The following PTPRQ variants were observed in gnomAD, a reference collection of about 807,000 sequenced individuals.
The protein encoded by PTPRQ is phosphatidylinositol phosphatase PTPRQ.
Under a neutral mutation model 246.0 loss-of-function variants are expected in PTPRQ, and 199 were observed. That is an observed-to-expected ratio of 0.81 (90% CI 0.72 to 0.91). PTPRQ has a LOEUF of 0.91. PTPRQ is among the 40% of genes least tolerant of loss of function. The pLI is 0.00. For missense variants in PTPRQ, 2,624 were observed against 2,528.4 expected, an observed-to-expected ratio of 1.04 and a Z score of -0.81; for synonymous variants, 869 against 853.2, an observed-to-expected ratio of 1.02 and a Z score of -0.32.
chr12:80,538,578 T>C (rs1427781755), intron 19 of PTPRQ, among the ~76,000 whole-genome samples: 1 of 152,216 alleles, frequency 6.6e-6, no homozygotes, highest in East Asian at 1.9e-4. Context: ...CTTTAACTTG[T>C]CTATTTCTAT....
chr12:80,636,986 G>A (rs2121183784), intron 35 of PTPRQ, among the ~76,000 whole-genome samples: 1 of 152,210 alleles, frequency 6.6e-6, no homozygotes, highest in East Asian at 1.9e-4. Flanking sequence ...AAGGTCGGGT[G>A]TGGTGACTCA....
At chr12:80,553,048 A>T (rs1185834913) in intron 25 of PTPRQ, among the ~76,000 whole-genome samples, 2 of 152,106 alleles carry the variant, frequency 1.3e-5, no homozygotes, top group African/African-American at 2.4e-5. Context: ...CACAGTTCTA[A>T]CAGAAAGCCT....
At chr12:80,637,853 G>A (rs73351567) in intron 35 of PTPRQ, among the ~76,000 whole-genome samples, 8,578 of 152,230 alleles carry the variant, frequency 0.056, 848 homozygotes, top group African/African-American at 0.2. Flanking sequence ...ATCAGAGACT[G>A]ATGGTAGATT....
chr12:80,539,797 A>T lies in PTPRQ; in HGVS notation c.3007A>T (p.Thr1003Ser). 1.9e-6 allele frequency: 3 copies of T among 1,546,610 alleles called. No homozygotes were observed. The highest frequency in any genetic ancestry group is 8.7e-7 in the Non-Finnish European group (1 of 1,145,244). Residue 1003 changes from threonine (T) to serine (S), a missense_variant, in exon 20 of 45, where the codon ACC becomes TCC. Coordinates refer to ENST00000644991, the MANE Select transcript of PTPRQ (RefSeq NM_001145026.2). Reference sequence around the variant, plus strand: ...TCAGAATTTTACACTCCATGAAGTAACCAATGACTTTGACAATATGACTGT... The same window carrying T: ...TCAGAATTTTACACTCCATGAAGTATCCAATGACTTTGACAATATGACTGT... ...FMQNFTLHEV[T>S]NDFDNMTVST...
At position 80,567,360 on chromosome 12, in the gene PTPRQ, A is replaced by G. The variant is rs138174367; in HGVS notation, c.4285+17626A>G. Among the ~76,000 whole-genome samples the G allele has an allele frequency of 1.1e-4, 17 of 152,328 alleles. No homozygotes were observed. The East Asian group carries it at 2.5e-3, about 22-fold the overall frequency. ...TTTTTTCATGCTTTTAATATTTTCTACTTATGGGAAATGTATATGCAGTGA... is the reference window on the plus strand; with the variant it reads ...TTTTTTCATGCTTTTAATATTTTCTGCTTATGGGAAATGTATATGCAGTGA... On this transcript the variant is annotated intron_variant, in intron 25 of 44. Transcript: ENST00000644991.
chr12:80,456,851 C>T (rs1592525818), intron 3 of PTPRQ, among the ~76,000 whole-genome samples: 1 of 152,094 alleles, frequency 6.6e-6, no homozygotes, highest in Non-Finnish European at 1.5e-5. Flanking sequence ...AATCCTATAA[C>T]ATAGATACAT....
chr12:80,452,317 C>T (rs1214245614), intron 3 of PTPRQ, among the ~76,000 whole-genome samples: 3 of 151,590 alleles, frequency 2.0e-5, no homozygotes, highest in East Asian at 1.9e-4. Flanking sequence ...ACTCTTTATC[C>T]AATTTGCCAG....
intron 35 of PTPRQ, among the ~76,000 whole-genome samples, chr12:80,646,479 C>T (rs1486915629): frequency 6.9e-6 from 1 of 144,616 alleles, no homozygotes; most frequent in African/African-American, 2.8e-5. Context: ...TTATTATCCC[C>T]CTTGAGGGGT....
chr12:80,613,092 T>C (rs1033265746), intron 28 of PTPRQ, among the ~76,000 whole-genome samples: 2 of 150,560 alleles, frequency 1.3e-5, no homozygotes, highest in Non-Finnish European at 3.0e-5. Context: ...CATAAAAGTA[T>C]AACAAAACAT....
At chr12:80,615,654 C>T (rs796337144) in intron 29 of PTPRQ, among the ~76,000 whole-genome samples, 11 of 151,046 alleles carry the variant, frequency 7.3e-5, no homozygotes, top group African/African-American at 2.7e-4. Context: ...TAAAGGCCAT[C>T]TTTCAGGGGA....
At chr12:80,663,253 C>A (rs1900686692) in intron 39 of PTPRQ, among the ~76,000 whole-genome samples, 2 of 151,052 alleles carry the variant, frequency 1.3e-5, no homozygotes, top group Non-Finnish European at 1.5e-5. Flanking sequence ...AGGAATAATC[C>A]CAATTATTTA....
intron 26 of PTPRQ, among the ~76,000 whole-genome samples, chr12:80,600,247 T>C (rs1379441166): frequency 1.3e-5 from 2 of 151,822 alleles, no homozygotes; most frequent in African/African-American, 4.8e-5. Context: ...GATCTTTGAA[T>C]GTCATTTTTC....
At chr12:80,593,357 ACTAT>A in intron 26 of PTPRQ, among the ~76,000 whole-genome samples, 1 of 152,338 alleles carries the variant, frequency 6.6e-6, no homozygotes, top group East Asian at 1.9e-4. Context: ...GTTATCATTA[ACTAT>A]CTGAGCCCAT....
intron 8 of PTPRQ, among the ~76,000 whole-genome samples, chr12:80,479,229 C>T (rs1396411587): frequency 6.0e-5 from 9 of 148,938 alleles, no homozygotes; most frequent in Non-Finnish European, 1.2e-4. Context: ...ATTCAACATT[C>T]TTAAAGAAAA....
At chr12:80,520,276 T>G (rs1895432820) in intron 17 of PTPRQ, among the ~76,000 whole-genome samples, 1 of 152,176 alleles carries the variant, frequency 6.6e-6, no homozygotes, top group South Asian at 2.1e-4. Context: ...CATACTGTTC[T>G]CATAGTAGTG....
Position 80,454,219 on chromosome 12 carries a change from G to A in PTPRQ, c.391-3356G>A, listed in dbSNP as rs185172456. 1.5e-4 allele frequency among the ~76,000 whole-genome samples: 23 copies of A among 149,374 alleles called. No individual in the cohort carries two copies. In the East Asian group the frequency reaches 2.2e-3, roughly 14 times the overall value. ...TGGTGTGCCGTTTTTTAAGCCCGTC[G>A]GAAAAGCGCAGTATTCGGGTGGGAG... On this transcript the variant is annotated intron_variant, in intron 3 of 44. Transcript: ENST00000644991.
chr12:80,570,718 G>A (rs924733088), intron 25 of PTPRQ, among the ~76,000 whole-genome samples: 3 of 152,116 alleles, frequency 2.0e-5, no homozygotes, highest in Non-Finnish European at 4.4e-5. Context: ...AGGGTTTTAG[G>A]TTTTACATTT....
chr12:80,624,762 G>C (rs751748874), intron 33 of PTPRQ, among the ~76,000 whole-genome samples: 20 of 152,112 alleles, frequency 1.3e-4, no homozygotes, highest in African/African-American at 3.6e-4. Context: ...AAGTGGTCCT[G>C]GTCCATTTGA....
intron 3 of PTPRQ, among the ~76,000 whole-genome samples, chr12:80,448,653 C>T (rs1892635151): frequency 6.7e-6 from 1 of 149,686 alleles, no homozygotes; most frequent in Non-Finnish European, 1.5e-5. Flanking sequence ...CGATAGTTTA[C>T]TGAGAATGAT....
Sources: gnomAD v4.1 joint callset for allele counts (sites outside exome capture counted in the v4.1 genomes callset) on GRCh38, gnomAD v4.1.1 for gene constraint, MANE v1.5 for transcripts, NCBI Gene and HGNC (gene_info 2026-07-23, HGNC 2026-07-21) for gene names.